The following NCBP1 variants were observed in gnomAD, a reference collection of about 807,000 sequenced individuals.
NCBP1 encodes the protein nuclear cap-binding protein subunit 1.
NCBP1 carries 16 observed loss-of-function variants against 111.7 expected under a neutral mutation model. That is an observed-to-expected ratio of 0.14 (90% CI 0.10 to 0.22). The LOEUF (loss-of-function observed/expected upper bound fraction) is 0.22. Ranked by LOEUF, NCBP1 falls within the 10% of genes least tolerant of loss-of-function variation. The pLI is 1.00. For synonymous variants in NCBP1, 304 were observed against 314.3 expected (o/e 0.97, Z 0.35); for missense variants, 607 against 957.5 (o/e 0.63, Z 4.83).
intron 2 of NCBP1, 66 bp downstream of exon 2, chr9:97,640,948 T>C: frequency 8.1e-7 from 1 of 1,228,084 alleles, no homozygotes; most frequent in Non-Finnish European, 1.1e-6. Context: ...CTTTGATTAA[T>C]TTTTGCAGCT....
intron 22 of NCBP1, 147 bp from the exon 23 acceptor site, chr9:97,670,939 C>T: frequency 2.1e-6 from 1 of 486,262 alleles, no homozygotes; most frequent in Non-Finnish European, 3.7e-6. Context: ...TGGGGATTTT[C>T]AGGGGTCCAT....
chr9:97,648,969 T>C (rs1428498613), intron 8 of NCBP1, among the ~76,000 whole-genome samples: 1 of 152,170 alleles, frequency 6.6e-6, no homozygotes, highest in Non-Finnish European at 1.5e-5. Flanking sequence ...CCCAAAGTGT[T>C]GGGCTTACAG....
intron 20 of NCBP1, 44 bp downstream of exon 20, chr9:97,666,921 A>G (rs1276206098): frequency 7.4e-7 from 1 of 1,342,594 alleles, no homozygotes; most frequent in Admixed American, 2.2e-5. Flanking sequence ...AAAATATACC[A>G]GAAACTCTGG....
chr9:97,648,685 A>G (rs1165695560), intron 8 of NCBP1, among the ~76,000 whole-genome samples: 1 of 152,304 alleles, frequency 6.6e-6, no homozygotes, highest in Admixed American at 6.5e-5. Context: ...CTGTCACATG[A>G]TGAATGCTCA....
intron 10 of NCBP1, 27 bp downstream of exon 10, chr9:97,651,400 C>T (rs201905933): frequency 1.2e-6 from 2 of 1,601,954 alleles, no homozygotes; most frequent in Admixed American, 3.4e-5. Context: ...GAGCGTGTTT[C>T]TGAGTTTCAG....
intron 14 of NCBP1, among the ~76,000 whole-genome samples, chr9:97,658,213 A>AT (rs1191761129): frequency 6.6e-6 from 1 of 152,122 alleles, no homozygotes; most frequent in Non-Finnish European, 1.5e-5. Flanking sequence ...GTGTGTATAT[A>AT]TGCCTCCAAT....
Position 97,643,282 on chromosome 9 carries a change from T to A in NCBP1, c.303T>A (p.Gly101=), listed in dbSNP as rs779870752. ...GLLNARNYNF[G]GEFVEAMIRQ... is the part of the protein sequence containing the mutation. Reference sequence around the variant, plus strand: ...TGAATGCCAGGAATTACAATTTTGGTGGAGAATTTGTAGAAGCCATGATTC... The same window carrying A: ...TGAATGCCAGGAATTACAATTTTGGAGGAGAATTTGTAGAAGCCATGATTC... The change falls in exon 4 of 23, where the codon GGT becomes GGA. Residue 101 remains glycine, a synonymous_variant. Coordinates refer to ENST00000375147, the MANE Select transcript of NCBP1 (RefSeq NM_002486.5). 5.0e-6 allele frequency: 8 copies of A among 1,610,062 alleles called. No homozygotes were observed. The highest frequency in any genetic ancestry group is 6.8e-6 in the Non-Finnish European group (8 of 1,178,722).
intron 1 of NCBP1, chr9:97,635,732 T>G (rs1827003012): frequency 6.6e-6 from 1 of 152,136 alleles, no homozygotes; most frequent in African/African-American, 2.4e-5. Context: ...ATAATACAAT[T>G]TTCATATGCT....
Position 97,639,254 on chromosome 9 carries a change from G to A in NCBP1, c.35-1540G>A, listed in dbSNP as rs899723632. Among the ~76,000 whole-genome samples the A allele has an allele frequency of 5.9e-5, 9 of 152,218 alleles. No individual in the cohort carries two copies. In the South Asian group the frequency reaches 8.3e-4, roughly 14 times the overall value. On this transcript the variant is annotated intron_variant, in intron 1 of 22. Coordinates refer to ENST00000375147, the MANE Select transcript of NCBP1 (RefSeq NM_002486.5). ...GTAATTAATGGGTTGGGAAGTTGAC[G>A]TACAGAGTGTCTTACCCTGTAACCT...
At chr9:97,645,481 T>C (rs1223533462) in intron 5 of NCBP1, 130 bp from the exon 6 acceptor site, 3 of 970,284 alleles carry the variant, frequency 3.1e-6, no homozygotes, top group East Asian at 2.6e-5. Context: ...CTAGAAATGC[T>C]CTGTATAAAC....
At chr9:97,651,482 G>T in intron 10 of NCBP1, 109 bp downstream of exon 10, 1 of 979,736 alleles carries the variant, frequency 1.0e-6, no homozygotes. Flanking sequence ...ATTGCTACTT[G>T]TCCAGCATTC....
intron 21 of NCBP1, 141 bp downstream of exon 21, chr9:97,669,115 A>C (rs1400170562): frequency 2.9e-6 from 3 of 1,037,368 alleles, no homozygotes; most frequent in Non-Finnish European, 4.0e-6. Flanking sequence ...TTTAGGAAGG[A>C]AATAAAAGTT....
At chr9:97,653,527 A>G (rs559188408) in intron 10 of NCBP1, among the ~76,000 whole-genome samples, 3 of 152,294 alleles carry the variant, frequency 2.0e-5, no homozygotes, top group East Asian at 1.9e-4. Context: ...TTGGAATTTA[A>G]TTGCATAGTT....
rs150415739 is a variant in NCBP1 at position 97,647,555 on chromosome 9, A to G, written c.675A>G (p.Gln225=). ...QVWTADKPHP[Q]EEYLDCLWAQ... ...GGACTGCTGATAAACCACATCCACA[A>G]GAAGAGGTAAATGGATTTCAGTCCC... The change falls in exon 7 of 23, where the codon CAA becomes CAG. Residue 225 remains glutamine (Q), a synonymous_variant. Transcript: ENST00000375147. The G allele has an allele frequency of 3.1e-6, 5 of 1,610,436 alleles. No individual in the cohort carries two copies. The African/African-American group carries it at 5.3e-5, about 17-fold the overall frequency.
At chr9:97,646,421 A>C (rs1051801881) in intron 6 of NCBP1, among the ~76,000 whole-genome samples, 4 of 152,156 alleles carry the variant, frequency 2.6e-5, no homozygotes, top group African/African-American at 9.7e-5. Context: ...TGTGGCCCTT[A>C]GGTTTTTACA....
intron 12 of NCBP1, 62 bp downstream of exon 12, chr9:97,655,006 G>A: frequency 1.5e-6 from 2 of 1,302,026 alleles, no homozygotes; most frequent in Non-Finnish European, 2.1e-6. Flanking sequence ...ACTTCATAAA[G>A]GAATTTGAGA....
rs371903179 is a variant in NCBP1, at chr9:97,657,991, A to G, written c.1374-649A>G. Among the ~76,000 whole-genome samples, 79 of 147,988 alleles carry G rather than the reference A, an allele frequency of 5.3e-4. No individual in the cohort carries two copies. The East Asian group carries it at 0.011, about 21-fold the overall frequency. On this transcript the variant is annotated intron_variant, in intron 14 of 22. Transcript: ENST00000375147. The stretch of plus-strand genomic sequence containing the variant: ...GCATTCCCTTATTTTCTAGAACAAC[A>G]TATTTAGGATCATCTTGCGTTTTCT...
intron 1 of NCBP1, among the ~76,000 whole-genome samples, chr9:97,634,215 A>G (rs935123718): frequency 6.6e-6 from 1 of 152,242 alleles, no homozygotes; most frequent in African/African-American, 2.4e-5. Context: ...ACCACGGAGC[A>G]GGGAAGCACA....
chr9:97,649,772 G>A (rs931237147), intron 8 of NCBP1, among the ~76,000 whole-genome samples: 1 of 150,510 alleles, frequency 6.6e-6, no homozygotes, highest in Non-Finnish European at 1.5e-5. Context: ...AACTAGAATG[G>A]GACCTCAAAA....
Sources: allele counts gnomAD v4.1 joint callset (sites outside exome capture counted in the v4.1 genomes callset), GRCh38; gene constraint gnomAD v4.1.1; transcripts MANE v1.5; gene names NCBI Gene and HGNC (gene_info 2026-07-23, HGNC 2026-07-21).